Variants in DLGAP3 observed in about 807,000 individuals in gnomAD.
The protein encoded by DLGAP3 is DLG associated protein 3, also known as disks large-associated protein 3.
DLGAP3 carries 17 observed loss-of-function variants against 81.2 expected under a neutral mutation model. That is an observed-to-expected ratio of 0.21 (90% CI 0.14 to 0.31). The LOEUF is 0.31. DLGAP3 is among the 10% of genes least tolerant of loss of function. The probability of loss-of-function intolerance (pLI) is 1.00; values close to 1 mark genes in which losing one functional copy is unlikely to be tolerated. For synonymous variants in DLGAP3, 577 were observed against 587.4 expected (o/e 0.98, Z 0.26); for missense variants, 1,124 against 1,388.0 (o/e 0.81, Z 3.02).
At chr1:34,894,401 T>A (rs577430119) in intron 5 of DLGAP3, among the ~76,000 whole-genome samples, 1 of 152,068 alleles carries the variant, frequency 6.6e-6, no homozygotes, top group African/African-American at 2.4e-5. Context: ...CCAGAATTGA[T>A]GAAAAACATG....
rs910196675 is a variant in DLGAP3, at chr1:34,881,966, A to G, written c.2000+3012T>C. On this transcript the variant is annotated intron_variant, in intron 8 of 11. Coordinates refer to ENST00000373347, the MANE Select transcript of DLGAP3 (RefSeq NM_001080418.3). The stretch of plus-strand genomic sequence containing the variant: ...TTGAAAAACATAGCCACTAAAGTCA[A>G]TACTACTGAACAGTGAACAGAAGTC... Among the ~76,000 whole-genome samples the G allele has an allele frequency of 3.3e-5, 5 of 152,260 alleles. No homozygotes were observed. In the East Asian group the frequency reaches 5.8e-4, roughly 18 times the overall value.
chr1:34,911,380 A>C (rs902789711), intron 1 of DLGAP3, among the ~76,000 whole-genome samples: 1 of 152,228 alleles, frequency 6.6e-6, no homozygotes, highest in Non-Finnish European at 1.5e-5. Context: ...TCAGATTAGT[A>C]TAGAATAAAG....
chr1:34,900,281 A>T lies in DLGAP3; in HGVS notation c.1108-8T>A, dbSNP rs1260153262. The T allele has an allele frequency of 6.2e-7, 1 of 1,613,068 alleles. No individual in the cohort carries two copies. The highest frequency in any genetic ancestry group is 2.2e-5 in the East Asian group (1 of 44,882). On this transcript the variant is annotated splice_region_variant and splice_polypyrimidine_tract_variant and intron_variant, in intron 3 of 11. Coordinates refer to ENST00000373347, the MANE Select transcript of DLGAP3 (RefSeq NM_001080418.3). This position sits in a 1 kb window ranked among gnomAD's most constrained non-coding sequence, Gnocchi z 5.6. ...CCAGTCATCTTGCGGCACCTGCAGG[A>T]ACAGGGGTCTCTGTCTCTCAGACAT...
Position 34,929,214 on chromosome 1 carries a change from G to C in DLGAP3, c.-135+237C>G, listed in dbSNP as rs1442519091. On this transcript the variant is annotated intron_variant, in intron 1 of 11. Transcript: ENST00000373347. This position sits in a 1 kb window ranked among gnomAD's most constrained non-coding sequence, Gnocchi z 6.5. ...CCCCGCGGCCCTGACCGGGAGCGTG[G>C]GTCCGCGGTCCGCGTGGTCCCCTGC... Among the ~76,000 whole-genome samples the C allele has an allele frequency of 2.6e-5, 4 of 151,538 alleles. No individual in the cohort carries two copies. The highest frequency in any genetic ancestry group is 5.9e-5 in the Non-Finnish European group (4 of 67,608).
chr1:34,924,217 T>G (rs541550825), intron 1 of DLGAP3, among the ~76,000 whole-genome samples: 1 of 152,264 alleles, frequency 6.6e-6, no homozygotes, highest in East Asian at 1.9e-4. Flanking sequence ...CCAAGAGAAC[T>G]AAAGACTGAA....
chr1:34,879,732 C>T (rs1160264461), intron 8 of DLGAP3, among the ~76,000 whole-genome samples: 4 of 151,346 alleles, frequency 2.6e-5, no homozygotes, highest in Admixed American at 2.6e-4. Context: ...AAGGAAATTA[C>T]GACAAAAGTG....
chr1:34,890,248 G>A (rs1012563805), intron 5 of DLGAP3, among the ~76,000 whole-genome samples: 6 of 152,140 alleles, frequency 3.9e-5, no homozygotes, highest in African/African-American at 1.4e-4. Context: ...TCCAAACCAG[G>A]CATATTCCAA....
Position 34,873,301 on chromosome 1 carries a change from T to TG in DLGAP3, c.2001-4213dup, listed in dbSNP as rs1557457193. On this transcript the variant is annotated intron_variant, in intron 8 of 11. Coordinates refer to ENST00000373347, the MANE Select transcript of DLGAP3 (RefSeq NM_001080418.3). The surrounding 1 kb of genome is among the most constrained non-coding windows in gnomAD (Gnocchi z 4.2). ...CCAATCATCACAATGAAGTGGGCGATGGGGGGTGGTTATCTGCTGGAGATG... is the reference window on the plus strand; with the variant it reads ...CCAATCATCACAATGAAGTGGGCGATGGGGGGGTGGTTATCTGCTGGAGATG... 6.6e-6 allele frequency among the ~76,000 whole-genome samples: 1 copy of TG among 151,976 alleles called. No homozygotes were observed. Among genetic ancestry groups the TG allele is most frequent in the Non-Finnish European group, 1.5e-5 (1 of 67,970 alleles).
intron 1 of DLGAP3, among the ~76,000 whole-genome samples, chr1:34,912,125 G>A (rs1339900871): frequency 6.6e-6 from 1 of 152,162 alleles, no homozygotes; most frequent in Non-Finnish European, 1.5e-5. Flanking sequence ...AATGATGTAA[G>A]GTTTAACAAG....
At chr1:34,924,312 C>G (rs997252784) in intron 1 of DLGAP3, among the ~76,000 whole-genome samples, 1 of 152,100 alleles carries the variant, frequency 6.6e-6, no homozygotes, top group Non-Finnish European at 1.5e-5. Context: ...AGTAGCCTCC[C>G]CCTTCTCTTC....
chr1:34,890,647 TC>T (rs1229752023), intron 5 of DLGAP3, among the ~76,000 whole-genome samples: 13 of 152,228 alleles, frequency 8.5e-5, no homozygotes, highest in African/African-American at 3.1e-4. Context: ...GAAATTGATG[TC>T]CCTGGTTAGT....
At position 34,873,473 on chromosome 1, in the gene DLGAP3, A is replaced by T. The variant is rs1314081211; in HGVS notation, c.2001-4384T>A. 6.6e-6 allele frequency among the ~76,000 whole-genome samples: 1 copy of T among 152,132 alleles called. No individual in the cohort carries two copies. The highest frequency in any genetic ancestry group is 2.4e-5 in the African/African-American group (1 of 41,414). On this transcript the variant is annotated intron_variant, in intron 8 of 11. Transcript: ENST00000373347. This position sits in a 1 kb window ranked among gnomAD's most constrained non-coding sequence, Gnocchi z 4.2. ...CCTCATTTTCCCATCTGTAAATGAGAATGATAATAGTAGCAGTTCATAAGA... is the reference window on the plus strand; with the variant it reads ...CCTCATTTTCCCATCTGTAAATGAGTATGATAATAGTAGCAGTTCATAAGA...
chr1:34,868,978 C>A lies in DLGAP3; in HGVS notation c.2112G>T (p.Gln704His). The A allele has an allele frequency of 6.2e-7, 1 of 1,609,290 alleles. No individual in the cohort carries two copies. The highest frequency in any genetic ancestry group is 8.5e-7 in the Non-Finnish European group (1 of 1,179,820). Residue 704 changes from glutamine (Q) to histidine (H), a missense_variant, in exon 9 of 12, where the codon CAG becomes CAT. Gln to His is a conservative substitution (Grantham distance 24). Transcript: ENST00000373347. This position sits in a 1 kb window ranked among gnomAD's most constrained non-coding sequence, Gnocchi z 7.5. ...CGTGCCTCTGGAAGGAGCGTCCAAA[C>A]TGCAGGGCCTTGTCTTCTGTGGCCA... ...ATVATEDKAL[Q>H]FGRSFQRHAS...
intron 1 of DLGAP3, among the ~76,000 whole-genome samples, chr1:34,916,119 A>G (rs971685085): frequency 6.6e-6 from 1 of 152,200 alleles, no homozygotes; most frequent in Non-Finnish European, 1.5e-5. Context: ...TGAGCCATCA[A>G]GGAGTGCCCC....
At chr1:34,912,965 C>T (rs999233230) in intron 1 of DLGAP3, among the ~76,000 whole-genome samples, 2 of 152,208 alleles carry the variant, frequency 1.3e-5, no homozygotes, top group Non-Finnish European at 2.9e-5. Flanking sequence ...GCCCAGATGC[C>T]TGTGGCAGGA....
chr1:34,884,093 A>G (rs1490250083), intron 8 of DLGAP3, among the ~76,000 whole-genome samples: 1 of 151,870 alleles, frequency 6.6e-6, no homozygotes, highest in Non-Finnish European at 1.5e-5. Flanking sequence ...TAATTTTTGT[A>G]TTTTTAGTAG....
chr1:34,892,941 G>A (rs1639334394), intron 5 of DLGAP3, among the ~76,000 whole-genome samples: 1 of 151,996 alleles, frequency 6.6e-6, no homozygotes, highest in Admixed American at 6.6e-5. Flanking sequence ...GGGAGGCCGA[G>A]GTGGGTGGAT....
In DLGAP3 at chr1:34,899,745, G is replaced by C; in HGVS notation, c.1314-4C>G. 6.2e-7 allele frequency: 1 copy of C among 1,613,766 alleles called. No homozygotes were observed. Among genetic ancestry groups the C allele is most frequent in the Non-Finnish European group, 8.5e-7 (1 of 1,179,802 alleles). ...GATCCGGGGTGGGACACAGCAGCTG[G>C]AAAAGGGCAAAATTCCGGAGTCAGA... On this transcript the variant is annotated splice_polypyrimidine_tract_variant and splice_region_variant and intron_variant, in intron 4 of 11. Coordinates refer to ENST00000373347, the MANE Select transcript of DLGAP3 (RefSeq NM_001080418.3).
At chr1:34,907,838 A>G (rs1639579633) in intron 1 of DLGAP3, among the ~76,000 whole-genome samples, 1 of 152,154 alleles carries the variant, frequency 6.6e-6, no homozygotes, top group Admixed American at 6.5e-5. Context: ...AGGGGTTTAT[A>G]GTCTAACAGG....
Sources: gnomAD v4.1 joint callset for allele counts (sites outside exome capture counted in the v4.1 genomes callset) on GRCh38, gnomAD v4.1.1 for gene constraint, Gnocchi (gnomAD v3.1) non-coding constraint, MANE v1.5 for transcripts, NCBI Gene and HGNC (gene_info 2026-07-23, HGNC 2026-07-21) for gene names.